LAMA2: variants seen among roughly 807,000 people sequenced by gnomAD.
The protein encoded by LAMA2 is laminin subunit alpha 2, also known as laminin subunit alpha-2.
A neutral mutation model predicts 364.8 loss-of-function variants in LAMA2; 269 were observed. The observed-to-expected ratio is 0.74, with a 90% CI of 0.67 to 0.82. The LOEUF (loss-of-function observed/expected upper bound fraction) is 0.82. Ranked by LOEUF, LAMA2 falls within the 40% of genes least tolerant of loss-of-function variation. The pLI, the probability that LAMA2 is intolerant of heterozygous loss-of-function variation, is 0.00. For synonymous variants in LAMA2, 1,379 were observed against 1,370.6 expected, an observed-to-expected ratio of 1.01 and a Z score of -0.14; for missense variants, 3,807 against 3,873.2, an observed-to-expected ratio of 0.98 and a Z score of 0.45.
intron 1 of LAMA2, among the ~76,000 whole-genome samples, chr6:129,016,549 C>T (rs534923709): frequency 1.3e-5 from 2 of 151,928 alleles, no homozygotes; most frequent in Admixed American, 1.3e-4. Context: ...AACCCTTAAA[C>T]ATAATCTTAA....
intron 35 of LAMA2, among the ~76,000 whole-genome samples, chr6:129,386,478 G>A (rs1380141437): frequency 6.6e-6 from 1 of 151,992 alleles, no homozygotes; most frequent in Non-Finnish European, 1.5e-5. Context: ...TGCCTAGCAA[G>A]TGATAGATGC....
At chr6:128,917,241 CTA>C (rs1254355313) in intron 1 of LAMA2, among the ~76,000 whole-genome samples, 5 of 150,952 alleles carry the variant, frequency 3.3e-5, no homozygotes, top group Non-Finnish European at 7.4e-5. Context: ...CAATTAGAAA[CTA>C]TATATAAACA....
intron 32 of LAMA2, among the ~76,000 whole-genome samples, chr6:129,364,008 C>T (rs910474598): frequency 6.6e-6 from 1 of 152,122 alleles, no homozygotes; most frequent in African/African-American, 2.4e-5. Context: ...AGCCCTAGTT[C>T]CAGACTTCTG....
intron 2 of LAMA2, 125 bp downstream of exon 2, chr6:129,050,213 T>A: frequency 1.1e-6 from 1 of 931,258 alleles, no homozygotes; most frequent in Non-Finnish European, 1.7e-6. Context: ...TTTTTACCAT[T>A]AAGAGCTTCT....
At chr6:129,419,638 T>G (rs376270716) in intron 40 of LAMA2, among the ~76,000 whole-genome samples, 3 of 152,196 alleles carry the variant, frequency 2.0e-5, no homozygotes, top group African/African-American at 7.2e-5. Flanking sequence ...ATTGTCCTTC[T>G]TGGTGTTCCC....
intron 1 of LAMA2, among the ~76,000 whole-genome samples, chr6:128,976,864 A>T (rs968075689): frequency 7.9e-5 from 12 of 152,332 alleles, no homozygotes; most frequent in African/African-American, 2.6e-4. Context: ...TTTATACAGT[A>T]GTCTTATGAT....
intron 4 of LAMA2, among the ~76,000 whole-genome samples, chr6:129,134,512 G>A (rs1322842887): frequency 6.6e-6 from 1 of 152,104 alleles, no homozygotes; most frequent in Non-Finnish European, 1.5e-5. Context: ...TTGGTACCAG[G>A]GATTGGTTTT....
chr6:128,990,544 C>A (rs77194646), intron 1 of LAMA2, among the ~76,000 whole-genome samples: 1 of 152,302 alleles, frequency 6.6e-6, no homozygotes, highest in African/African-American at 2.4e-5. Flanking sequence ...GAGGTAATAG[C>A]GCCCTATAGA....
At position 129,385,156 on chromosome 6, in the gene LAMA2, G is replaced by A. The variant is rs111642361; in HGVS notation, c.5071+1923G>A. Among the ~76,000 whole-genome samples, 10 of 1,660 alleles carry A rather than the reference G, an allele frequency of 6.0e-3. 3 individuals are homozygous for A. Among genetic ancestry groups the A allele is most frequent in the Non-Finnish European group, 6.4e-3 (3 of 466 alleles). The allele number at this position is 1,660 out of a possible 152,430, so 1.1% of individuals were successfully genotyped here. A position where few individuals can be genotyped will look rare whatever the true frequency, so the allele number is the denominator to read the frequency against. On this transcript the variant is annotated intron_variant, in intron 35 of 64. Transcript: ENST00000421865. ...AGGGAGGGGAGGGAGGGGAGGGAGG[G>A]AGGAAGGAACAGAGGGAGGAAAGGG...
At chr6:129,221,213 C>T (rs1286473847) in intron 12 of LAMA2, among the ~76,000 whole-genome samples, 1 of 147,444 alleles carries the variant, frequency 6.8e-6, no homozygotes, top group Non-Finnish European at 1.5e-5. Flanking sequence ...AACGGACCTA[C>T]AAATGTCAAT....
chr6:128,939,747 A>G (rs552083120), intron 1 of LAMA2, among the ~76,000 whole-genome samples: 5 of 152,222 alleles, frequency 3.3e-5, no homozygotes, highest in Admixed American at 6.5e-5. Context: ...GCATCTCTTT[A>G]TTATCTTATT....
chr6:128,889,213 C>G (rs959060774), intron 1 of LAMA2, among the ~76,000 whole-genome samples: 1 of 152,184 alleles, frequency 6.6e-6, no homozygotes, highest in Non-Finnish European at 1.5e-5. Context: ...GAATTATTCA[C>G]AATCCCACAT....
intron 12 of LAMA2, among the ~76,000 whole-genome samples, chr6:129,222,961 A>G (rs1202636289): frequency 6.6e-6 from 1 of 152,220 alleles, no homozygotes; most frequent in East Asian, 1.9e-4. Context: ...TCCCACCAAC[A>G]GTGTAAAAGT....
intron 1 of LAMA2, among the ~76,000 whole-genome samples, chr6:128,978,629 C>T (rs1264912872): frequency 6.6e-6 from 1 of 152,108 alleles, no homozygotes; most frequent in African/African-American, 2.4e-5. Flanking sequence ...ACCTGCCCTT[C>T]TCTAAAGGCA....
At chr6:129,207,623 A>G (rs1187090358) in intron 12 of LAMA2, among the ~76,000 whole-genome samples, 1 of 152,122 alleles carries the variant, frequency 6.6e-6, no homozygotes, top group Non-Finnish European at 1.5e-5. Flanking sequence ...AAAATTCTTT[A>G]AGTAGTTACT....
intron 29 of LAMA2, among the ~76,000 whole-genome samples, chr6:129,339,632 A>G (rs1470303674): frequency 6.6e-6 from 1 of 152,180 alleles, no homozygotes; most frequent in African/African-American, 2.4e-5. Context: ...TATATTGAAC[A>G]GAAAGGGAAG....
intron 42 of LAMA2, among the ~76,000 whole-genome samples, chr6:129,439,969 CAGA>C (rs1782024893): frequency 6.6e-6 from 1 of 151,780 alleles, no homozygotes; most frequent in Non-Finnish European, 1.5e-5. Flanking sequence ...CCTACTGACA[CAGA>C]AGGACAACTT....
At chr6:129,451,624 T>C (rs1405543954) in intron 45 of LAMA2, among the ~76,000 whole-genome samples, 5 of 152,188 alleles carry the variant, frequency 3.3e-5, no homozygotes, top group African/African-American at 1.2e-4. Flanking sequence ...AAATGACTTA[T>C]GCGGTCTGTG....
chr6:129,291,699 T>C lies in LAMA2; in HGVS notation c.2835T>C (p.Gly945=). ...GQCECRANVQ[G]QRCDKCKAGT... is the part of the protein sequence containing the mutation. ...GTGAGTGCAGAGCCAACGTTCAGGG[T>C]CAGAGATGTGACAAATGCAAGGTAA... is the stretch of plus-strand genomic sequence containing the variant. Residue 945 remains glycine, a synonymous_variant, in exon 20 of 65, where the codon GGT becomes GGC. Coordinates refer to ENST00000421865, the MANE Select transcript of LAMA2 (RefSeq NM_000426.4). 3 of 1,613,628 alleles carry C rather than the reference T, an allele frequency of 1.9e-6. No individual in the cohort carries two copies. The South Asian group carries it at 3.3e-5, about 18-fold the overall frequency.
Sources: gnomAD v4.1 joint callset for allele counts (sites outside exome capture counted in the v4.1 genomes callset) on GRCh38, gnomAD v4.1.1 for gene constraint, MANE v1.5 for transcripts, NCBI Gene and HGNC (gene_info 2026-07-23, HGNC 2026-07-21) for gene names.